Variants in DCX observed in about 807,000 individuals in gnomAD.
The protein encoded by DCX is neuronal migration protein doublecortin.
A neutral mutation model predicts 20.9 loss-of-function variants in DCX; 4 were observed. That is an observed-to-expected ratio of 0.19 (90% CI 0.09 to 0.44). DCX has a LOEUF of 0.44. Among genes scored for constraint, DCX ranks in the 20% least tolerant of loss-of-function variants. The probability of loss-of-function intolerance (pLI) is 0.99; values close to 1 mark genes in which losing one functional copy is unlikely to be tolerated. For missense variants in DCX, 133 were observed against 296.9 expected (o/e 0.45, Z 4.06); for synonymous variants, 103 against 111.4 (o/e 0.92, Z 0.47).
chrX:111,348,098 G>T (rs1370117765), intron 3 of DCX, among the ~76,000 whole-genome samples: 1 of 111,928 alleles, frequency 8.9e-6, no homozygotes, highest in Non-Finnish European at 1.9e-5. Flanking sequence ...GTCCATGAAG[G>T]TTCAGTGACC....
intron 3 of DCX, among the ~76,000 whole-genome samples, chrX:111,340,676 C>T (rs1922146179): frequency 9.0e-6 from 1 of 111,273 alleles, no homozygotes; most frequent in African/African-American, 3.3e-5. Flanking sequence ...GAAGAGACAC[C>T]CATCTTTGCT....
At chrX:111,351,771 T>C (rs1480233188) in intron 3 of DCX, among the ~76,000 whole-genome samples, 1 of 112,433 alleles carries the variant, frequency 8.9e-6, no homozygotes, top group Non-Finnish European at 1.9e-5. Context: ...TCACTCAGAC[T>C]GGAGTGCACT....
intron 5 of DCX, among the ~76,000 whole-genome samples, chrX:111,325,088 G>A (rs1299802543): frequency 2.7e-5 from 3 of 111,598 alleles, no homozygotes; most frequent in Non-Finnish European, 5.6e-5. Flanking sequence ...GGAGCTAGGG[G>A]AGCTGAAGGA....
intron 6 of DCX, among the ~76,000 whole-genome samples, chrX:111,307,338 G>A (rs920242552): frequency 4.6e-5 from 5 of 107,746 alleles, no homozygotes; most frequent in African/African-American, 1.7e-4. Context: ...ATATATACAC[G>A]TGTATATATA....
intron 3 of DCX, among the ~76,000 whole-genome samples, chrX:111,385,113 G>A (rs780484038): frequency 3.6e-5 from 4 of 112,341 alleles, no homozygotes; most frequent in South Asian, 7.4e-4. Flanking sequence ...TCTTCTCTGC[G>A]TCTCCAGCCT....
chrX:111,300,808 T>G lies in DCX; in HGVS notation c.*879A>C, dbSNP rs1432021410. 1.8e-5 allele frequency: 2 copies of G among 111,899 alleles called. No individual in the cohort carries two copies. Among genetic ancestry groups the G allele is most frequent in the Admixed American group, 1.9e-4 (2 of 10,471 alleles). The allele number at this position is 111,899 out of a possible 1,213,427, so 9.2% of individuals were successfully genotyped here. A position where few individuals can be genotyped will look rare whatever the true frequency, so the allele number is the denominator to read the frequency against. ...ACCTGAAAACAAATTCTCACAGTGTTTTCAGTGTTGGCTGTTAACAAGGCA... is the reference window on the plus strand; with the variant it reads ...ACCTGAAAACAAATTCTCACAGTGTGTTCAGTGTTGGCTGTTAACAAGGCA... On this transcript the variant is annotated 3_prime_UTR_variant, in exon 7 of 7. Transcript: ENST00000636035.
At chrX:111,386,021 G>A (rs144367990) in intron 3 of DCX, among the ~76,000 whole-genome samples, 140 of 111,673 alleles carry the variant, frequency 1.3e-3, no homozygotes, top group African/African-American at 4.4e-3. Flanking sequence ...TTTATGCTGT[G>A]TGTGTTACAT....
chrX:111,310,185 A>T (rs1261742360), intron 6 of DCX, among the ~76,000 whole-genome samples: 1 of 111,250 alleles, frequency 9.0e-6, no homozygotes, highest in East Asian at 2.8e-4. Flanking sequence ...ACAAAAAATT[A>T]GCCAGGCGTG....
At position 111,297,139 on chromosome X, in the gene DCX, G is replaced by A. The variant is rs771217111; in HGVS notation, c.*4548C>T. 4 of 112,178 alleles carry A rather than the reference G, an allele frequency of 3.6e-5. No individual in the cohort carries two copies. The highest frequency in any genetic ancestry group is 9.4e-5 in the Admixed American group (1 of 10,603). 9.2% of individuals were successfully genotyped at this position (112,178 alleles called of 1,213,427 possible). Reference sequence around the variant, plus strand: ...TGGAAATGGATCCAAGTGGCCCTATGTGGCCAAAGACAGGTTCCAATCATC... The same window carrying A: ...TGGAAATGGATCCAAGTGGCCCTATATGGCCAAAGACAGGTTCCAATCATC... On this transcript the variant is annotated 3_prime_UTR_variant, in exon 7 of 7. Coordinates refer to ENST00000636035, the MANE Select transcript of DCX (RefSeq NM_001195553.2).
chrX:111,399,111 C>T (rs1015952462), intron 3 of DCX, among the ~76,000 whole-genome samples: 1 of 110,422 alleles, frequency 9.1e-6, no homozygotes, highest in South Asian at 3.9e-4. Context: ...GAGACTCTGA[C>T]TCCAAAAGTA....
chrX:111,385,549 G>A (rs762783646), intron 3 of DCX, among the ~76,000 whole-genome samples: 6 of 109,992 alleles, frequency 5.5e-5, no homozygotes, highest in Non-Finnish European at 7.6e-5. Context: ...CCAGATACTC[G>A]GGAGGCTGAG....
chrX:111,397,822 T>G (rs1339284981), intron 3 of DCX, among the ~76,000 whole-genome samples: 5 of 110,369 alleles, frequency 4.5e-5, no homozygotes, highest in African/African-American at 1.6e-4. Context: ...TGTGTGTATA[T>G]ATACATACAT....
chrX:111,323,603 GT>G (rs780794851), intron 5 of DCX, among the ~76,000 whole-genome samples: 2,997 of 52,057 alleles, frequency 0.058, 134 homozygotes, highest in African/African-American at 0.19. Flanking sequence ...TATTATTTCT[GT>G]TTTTTTTTTT....
chrX:111,375,636 T>C (rs1257250888), intron 3 of DCX, among the ~76,000 whole-genome samples: 1 of 111,392 alleles, frequency 9.0e-6, no homozygotes, highest in Non-Finnish European at 1.9e-5. Context: ...TCCATTGTTC[T>C]TAAGCAAAAA....
intron 3 of DCX, among the ~76,000 whole-genome samples, chrX:111,387,307 C>A (rs1323583511): frequency 8.9e-6 from 1 of 111,840 alleles, no homozygotes; most frequent in Non-Finnish European, 1.9e-5. Context: ...ATATATACAT[C>A]TTTATATCAG....
chrX:111,304,150 A>G (rs1490476342), intron 6 of DCX, among the ~76,000 whole-genome samples: 1 of 112,105 alleles, frequency 8.9e-6, no homozygotes, highest in Non-Finnish European at 1.9e-5. Flanking sequence ...AGTGGCATAC[A>G]ATGGAGTTGC....
At chrX:111,337,464 T>TAGTC (rs1921841655) in intron 3 of DCX, among the ~76,000 whole-genome samples, 1 of 111,217 alleles carries the variant, frequency 9.0e-6, no homozygotes, top group African/African-American at 3.3e-5. Context: ...ATTATATGGA[T>TAGTC]AGTCCAGTGG....
chrX:111,299,162 C>A lies in DCX; in HGVS notation c.*2525G>T, dbSNP rs1285613161. Reference sequence around the variant, plus strand: ...AAAAAAAATTGCCTTGAAAGTGGGCCAATTTAAAATGCAATTAATTATTGG... The same window carrying A: ...AAAAAAAATTGCCTTGAAAGTGGGCAAATTTAAAATGCAATTAATTATTGG... On this transcript the variant is annotated 3_prime_UTR_variant, in exon 7 of 7. Transcript: ENST00000636035. The A allele has an allele frequency of 9.0e-6, 1 of 110,884 alleles. No homozygotes were observed. The highest frequency in any genetic ancestry group is 1.9e-5 in the Non-Finnish European group (1 of 52,983). The allele number at this position is 110,884 out of a possible 1,213,427, so 9.1% of individuals were successfully genotyped here.
intron 3 of DCX, among the ~76,000 whole-genome samples, chrX:111,356,313 A>C (rs1274628629): frequency 8.9e-6 from 1 of 112,247 alleles, no homozygotes; most frequent in East Asian, 2.8e-4. Flanking sequence ...TCCATGGCAG[A>C]AATCATTAAC....
Sources: gnomAD v4.1 joint callset for allele counts (sites outside exome capture counted in the v4.1 genomes callset) on GRCh38, gnomAD v4.1.1 for gene constraint, MANE v1.5 for transcripts, NCBI Gene and HGNC (gene_info 2026-07-23, HGNC 2026-07-21) for gene names.